Variants in ISG20 observed in about 807,000 individuals in gnomAD.
The protein encoded by ISG20 is interferon-stimulated gene 20 kDa protein.
In ISG20, 8 loss-of-function variants were observed where a neutral mutation model predicts 11.1. The observed-to-expected ratio is 0.72, with a 90% CI of 0.42 to 1.30. ISG20 has a LOEUF of 1.30. Among genes scored for constraint, ISG20 ranks in the 50% most tolerant of loss-of-function variants. The pLI, the probability that ISG20 is intolerant of heterozygous loss-of-function variation, is 0.01. For synonymous variants in ISG20, 110 were observed against 101.7 expected (o/e 1.08, Z -0.49); for missense variants, 243 against 250.2 (o/e 0.97, Z 0.19).
rs762977706 is a variant in ISG20 at position 88,639,497 on chromosome 15, G to T, written c.131G>T (p.Arg44Leu). 6.2e-7 allele frequency: 1 copy of T among 1,614,080 alleles called. No homozygotes were observed. Among genetic ancestry groups the T allele is most frequent in the Non-Finnish European group, 8.5e-7 (1 of 1,180,046 alleles). ...HGAVLYDKFI[R>L]PEGEITDYRT... Reference sequence around the variant, plus strand: ...GCTGTGCTGTACGACAAGTTCATCCGGCCTGAGGGAGAGATCACCGATTAC... The same window carrying T: ...GCTGTGCTGTACGACAAGTTCATCCTGCCTGAGGGAGAGATCACCGATTAC... The change falls in exon 2 of 4, where the codon CGG (arginine) becomes CTG (leucine). Residue 44 changes from arginine (R) to leucine (L), a missense_variant. By Grantham distance (102) the Arg-to-Leu change is moderately radical. Coordinates refer to ENST00000306072, the MANE Select transcript of ISG20 (RefSeq NM_002201.6). This position sits in a 1 kb window ranked among gnomAD's most constrained non-coding sequence, Gnocchi z 4.2.
At chr15:88,652,730 A>G (rs1201059318) in intron 3 of ISG20, among the ~76,000 whole-genome samples, 1 of 145,584 alleles carries the variant, frequency 6.9e-6, no homozygotes, top group African/African-American at 2.6e-5. Flanking sequence ...TGGCTGGTAG[A>G]GTGAGGATGA....
intron 2 of ISG20, chr15:88,647,796 A>AC (rs1456765579): frequency 6.6e-6 from 1 of 152,238 alleles, no homozygotes; most frequent in Non-Finnish European, 1.5e-5. Context: ...AGGGGCATCC[A>AC]CCCTGAGAAG....
chr15:88,642,797 A>T (rs2058104742), intron 2 of ISG20, among the ~76,000 whole-genome samples: 1 of 152,012 alleles, frequency 6.6e-6, no homozygotes, highest in Non-Finnish European at 1.5e-5. Context: ...TTGTATTTTC[A>T]GTAGAGACGG....
At position 88,643,940 on chromosome 15, in the gene ISG20, A is replaced by G. The variant is rs1021153595; in HGVS notation, c.228+4346A>G. Among the ~76,000 whole-genome samples, 1 of 152,168 alleles carries G rather than the reference A, an allele frequency of 6.6e-6. No homozygotes were observed. Among genetic ancestry groups the G allele is most frequent in the Non-Finnish European group, 1.5e-5 (1 of 68,044 alleles). On this transcript the variant is annotated intron_variant, in intron 2 of 3. Transcript: ENST00000306072. The surrounding 1 kb of genome is among the most constrained non-coding windows in gnomAD (Gnocchi z 4.4). ...CCAATGAGCATTTCCTTTGAGCGTC[A>G]TGTTGGCACTCAGAAAGTTTAGGAT...
chr15:88,644,995 C>T (rs986666980), intron 2 of ISG20, among the ~76,000 whole-genome samples: 1 of 152,236 alleles, frequency 6.6e-6, no homozygotes, highest in African/African-American at 2.4e-5. Context: ...CAGTCTTCAT[C>T]CACATTTGGT....
At chr15:88,654,359 TA>T (rs1424843596) in intron 3 of ISG20, among the ~76,000 whole-genome samples, 4 of 152,052 alleles carry the variant, frequency 2.6e-5, no homozygotes, top group Non-Finnish European at 5.9e-5. Context: ...CATTAAAAAA[TA>T]AAACAATACA....
chr15:88,646,629 C>G (rs2058178381), intron 2 of ISG20, among the ~76,000 whole-genome samples: 1 of 152,216 alleles, frequency 6.6e-6, no homozygotes, highest in African/African-American at 2.4e-5. Flanking sequence ...ATCCCAAAGA[C>G]AGATCAGGCT....
chr15:88,639,671 C>T lies in ISG20; in HGVS notation c.228+77C>T, dbSNP rs986582656. The stretch of plus-strand genomic sequence containing the variant: ...TCCCTGGCCCCTCTTCCCTGGTGCC[C>T]ATCTGTGACCTGTGACCCCACTTGT... On this transcript the variant is annotated intron_variant, in intron 2 of 3. Transcript: ENST00000306072. The surrounding 1 kb of genome is among the most constrained non-coding windows in gnomAD (Gnocchi z 4.2). 1 of 1,139,490 alleles carries T rather than the reference C, an allele frequency of 8.8e-7. No homozygotes were observed. The highest frequency in any genetic ancestry group is 1.3e-6 in the Non-Finnish European group (1 of 778,444). The allele number at this position is 1,139,490 out of a possible 1,614,324, so 70.6% of individuals were successfully genotyped here.
rs2141404710 is a variant in ISG20, at chr15:88,652,134, C to G, written c.253C>G (p.Leu85Val). The G allele has an allele frequency of 6.2e-7, 1 of 1,614,060 alleles. No individual in the cohort carries two copies. The highest frequency in any genetic ancestry group is 1.7e-4 in the Middle Eastern group (1 of 6,060). Residue 85 changes from leucine (L) to valine (V), a missense_variant, in exon 3 of 4, where the codon CTG becomes GTG. Physicochemically the swap from Leu to Val is conservative, Grantham distance 32. Transcript: ENST00000306072. ...GATCCTGCAGCTCCTGAAAGGCAAGCTGGTGGTGGGTCATGACCTGAAGCA... is the reference window on the plus strand; with the variant it reads ...GATCCTGCAGCTCCTGAAAGGCAAGGTGGTGGTGGGTCATGACCTGAAGCA... ...LEILQLLKGK[L>V]VVGHDLKHDF...
rs910321915 is a variant in ISG20, at chr15:88,642,003, G to A, written c.228+2409G>A. On this transcript the variant is annotated intron_variant, in intron 2 of 3. Transcript: ENST00000306072. ...GGCTGGACTGCAGTGGCACGATCTC[G>A]GCTCACTGCAATCTCCACCTCTTGG... Among the ~76,000 whole-genome samples, 3 of 143,994 alleles carry A rather than the reference G, an allele frequency of 2.1e-5. No individual in the cohort carries two copies. In the South Asian group the frequency reaches 6.7e-4, roughly 32 times the overall value. The allele number at this position is 143,994 out of a possible 152,430, so 94.5% of individuals were successfully genotyped here.
chr15:88,653,237 T>C (rs917636519), intron 3 of ISG20, among the ~76,000 whole-genome samples: 1 of 151,790 alleles, frequency 6.6e-6, no homozygotes, highest in South Asian at 2.1e-4. Flanking sequence ...TCAGCACACA[T>C]GGTAAGGAGT....
intron 2 of ISG20, chr15:88,647,739 A>C (rs1359983895): frequency 6.6e-6 from 1 of 152,196 alleles, no homozygotes; most frequent in East Asian, 1.9e-4. Flanking sequence ...TAACTTGTAA[A>C]TCAGTTTTGT....
Position 88,650,356 on chromosome 15 carries a change from A to G in ISG20, c.229-1754A>G, listed in dbSNP as rs906076100. 8.5e-6 allele frequency: 13 copies of G among 1,533,884 alleles called. No homozygotes were observed. The highest frequency in any genetic ancestry group is 4.1e-5 in the African/African-American group (3 of 73,002). On this transcript the variant is annotated intron_variant, in intron 2 of 3. Coordinates refer to ENST00000306072, the MANE Select transcript of ISG20 (RefSeq NM_002201.6). This position sits in a 1 kb window ranked among gnomAD's most constrained non-coding sequence, Gnocchi z 4.0. ...CGAGGAACGCGGGGCTGGGGCAGTC[A>G]CAGCTGGGCGCCTGGGCTGCTGGAG... is the stretch of plus-strand genomic sequence containing the variant.
At position 88,650,075 on chromosome 15, in the gene ISG20, G is replaced by C; in HGVS notation, c.229-2035G>C. On this transcript the variant is annotated intron_variant, in intron 2 of 3. Transcript: ENST00000306072. This position sits in a 1 kb window ranked among gnomAD's most constrained non-coding sequence, Gnocchi z 4.0. ...GAAGGAGAAGCAGGCTACGGGGAAG[G>C]TGTTAGGCACCAGAAGGCTCTTTCC... 1 of 634,518 alleles carries C rather than the reference G, an allele frequency of 1.6e-6. No homozygotes were observed. Among genetic ancestry groups the C allele is most frequent in the South Asian group, 1.8e-5 (1 of 55,356 alleles). 39.3% of individuals were successfully genotyped at this position (634,518 alleles called of 1,614,324 possible). A position where few individuals can be genotyped will look rare whatever the true frequency, so the allele number is the denominator to read the frequency against.
upstream of ISG20, chr15:88,636,085 AGTT>A (rs1424728260): frequency 6.6e-6 from 1 of 152,242 alleles, no homozygotes; most frequent in Admixed American, 6.5e-5. Flanking sequence ...CTCCAGTGTG[AGTT>A]GTCTCAGCCT....
In ISG20 at chr15:88,652,586, C is replaced by G. The variant is rs141235152; in HGVS notation, c.429+276C>G. On this transcript the variant is annotated intron_variant, in intron 3 of 3. Transcript: ENST00000306072. ...CCTCCTCCCCCTCCCCCTCCCCCACCTCCTCGCTCTTCTCCCCTTCTTCCC... is the reference window on the plus strand; with the variant it reads ...CCTCCTCCCCCTCCCCCTCCCCCACGTCCTCGCTCTTCTCCCCTTCTTCCC... Among the ~76,000 whole-genome samples, 338 of 66,446 alleles carry G rather than the reference C, an allele frequency of 5.1e-3. 8 individuals carry two copies. The highest frequency in any genetic ancestry group is 0.019 in the African/African-American group (319 of 16,366). 43.6% of individuals were successfully genotyped at this position (66,446 alleles called of 152,430 possible).
chr15:88,642,804 A>G (rs2058104929), intron 2 of ISG20, among the ~76,000 whole-genome samples: 1 of 151,816 alleles, frequency 6.6e-6, no homozygotes, highest in Non-Finnish European at 1.5e-5. Flanking sequence ...TTCAGTAGAG[A>G]CGGGGTTTCA....
At chr15:88,651,021 C>A in intron 2 of ISG20, 1 of 180,758 alleles carries the variant, frequency 5.5e-6, no homozygotes, top group Non-Finnish European at 1.1e-5. Flanking sequence ...GCCTCACCTC[C>A]CAAAGTGCTG....
chr15:88,647,336 T>G (rs1437412720), intron 2 of ISG20: 4 of 152,184 alleles, frequency 2.6e-5, no homozygotes, highest in Non-Finnish European at 5.9e-5. Context: ...GTCTGACCAT[T>G]ATATAGAGGG....
Sources: gnomAD v4.1 joint callset for allele counts (sites outside exome capture counted in the v4.1 genomes callset) on GRCh38, gnomAD v4.1.1 for gene constraint, Gnocchi (gnomAD v3.1) non-coding constraint, MANE v1.5 for transcripts, NCBI Gene and HGNC (gene_info 2026-07-23, HGNC 2026-07-21) for gene names.